Variants in AGMO observed in about 807,000 individuals in gnomAD.
The protein encoded by AGMO is glyceryl-ether monooxygenase.
AGMO carries 75 observed loss-of-function variants against 60.2 expected under a neutral mutation model. The observed-to-expected ratio is 1.25, with a 90% CI of 1.03 to 1.51. The LOEUF (loss-of-function observed/expected upper bound fraction) is 1.51. AGMO is among the 40% of genes most tolerant of loss of function. The pLI is 0.00. For synonymous variants in AGMO, 261 were observed against 177.1 expected (o/e 1.47, Z -3.76); for missense variants, 763 against 525.5 (o/e 1.45, Z -4.42).
At chr7:15,266,304 G>A (rs1783429991) in intron 12 of AGMO, among the ~76,000 whole-genome samples, 1 of 151,804 alleles carries the variant, frequency 6.6e-6, no homozygotes, top group South Asian at 2.1e-4. Flanking sequence ...CGGTGAAGAT[G>A]GATGTTCATT....
intron 2 of AGMO, among the ~76,000 whole-genome samples, chr7:15,547,605 G>C (rs56715148): frequency 6.6e-6 from 1 of 151,880 alleles, no homozygotes; most frequent in Non-Finnish European, 1.5e-5. Context: ...TGCGCTTTTC[G>C]GACCGGCTTA....
chr7:15,118,990 T>TG, the AGMO span, among the ~76,000 whole-genome samples: 1 of 43,056 alleles, frequency 2.3e-5, no homozygotes, highest in African/African-American at 8.0e-5. Context: ...GCTATTGGGG[T>TG]TTTTTTTTCC....
chr7:15,355,280 A>C (rs570945658), intron 12 of AGMO, among the ~76,000 whole-genome samples: 48 of 152,158 alleles, frequency 3.2e-4, no homozygotes, highest in Non-Finnish European at 5.3e-4. Flanking sequence ...AGACGGGCGG[A>C]TCACAAGGTC....
chr7:15,323,021 T>A (rs57229018), intron 12 of AGMO, among the ~76,000 whole-genome samples: 1 of 149,052 alleles, frequency 6.7e-6, no homozygotes. Context: ...AAGGAAATTT[T>A]GTAGGTCGTT....
At chr7:15,160,234 T>A in the AGMO span, among the ~76,000 whole-genome samples, 1 of 152,174 alleles carries the variant, frequency 6.6e-6, no homozygotes, top group African/African-American at 2.4e-5. Flanking sequence ...CCGTCACTAC[T>A]ATTTCCTTCT....
chr7:15,353,433 A>G (rs578162416), intron 12 of AGMO, among the ~76,000 whole-genome samples: 1 of 152,298 alleles, frequency 6.6e-6, no homozygotes, highest in African/African-American at 2.4e-5. Flanking sequence ...ATGATGTTAA[A>G]CTAAATTCAA....
Position 15,385,454 on chromosome 7 carries a change from C to T in AGMO, c.1066G>A (p.Asp356Asn). The change falls in exon 10 of 13, where the codon GAT (aspartate) becomes AAT (asparagine). Residue 356 changes from aspartate (D) to asparagine (N), a missense_variant. By Grantham distance (23) the Asp-to-Asn change is conservative. Coordinates refer to ENST00000342526, the MANE Select transcript of AGMO (RefSeq NM_001004320.2). ...MLAFYEETFA[D>N]TAALSQVTLL... ...AAATGGATATTACTTACAGCTGTAT[C>T]TGCAAAGGTCTCTTCATAAAATGCC... 6.3e-7 allele frequency: 1 copy of T among 1,575,962 alleles called. No individual in the cohort carries two copies. Among genetic ancestry groups the T allele is most frequent in the Non-Finnish European group, 8.7e-7 (1 of 1,146,326 alleles).
intron 10 of AGMO, among the ~76,000 whole-genome samples, chr7:15,384,929 C>T (rs1783854789): frequency 6.6e-6 from 1 of 151,232 alleles, no homozygotes; most frequent in Non-Finnish European, 1.5e-5. Flanking sequence ...AAATGATCCC[C>T]AAAGTGGCGA....
intron 3 of AGMO, among the ~76,000 whole-genome samples, chr7:15,499,904 T>TACAC (rs1347113008): frequency 2.8e-5 from 2 of 71,498 alleles, no homozygotes; most frequent in African/African-American, 8.8e-5. Flanking sequence ...TTATATGTAT[T>TACAC]ACGCACACAC....
chr7:15,282,515 C>A (rs552006377), intron 12 of AGMO, among the ~76,000 whole-genome samples: 1 of 151,902 alleles, frequency 6.6e-6, no homozygotes, highest in South Asian at 2.1e-4. Flanking sequence ...TCAACTCAAT[C>A]AGAAAAATAA....
intron 5 of AGMO, among the ~76,000 whole-genome samples, chr7:15,395,296 A>C (rs189708440): frequency 6.6e-6 from 1 of 152,334 alleles, no homozygotes; most frequent in African/African-American, 2.4e-5. Context: ...ATTGATATGA[A>C]TTTGATAAGT....
the AGMO span, among the ~76,000 whole-genome samples, chr7:15,121,767 A>G: frequency 6.6e-6 from 1 of 152,146 alleles, no homozygotes; most frequent in South Asian, 2.1e-4. Context: ...CCACACATCT[A>G]CAATGATCTG....
chr7:15,145,120 G>A, the AGMO span, among the ~76,000 whole-genome samples: 2 of 152,276 alleles, frequency 1.3e-5, no homozygotes, highest in Admixed American at 6.5e-5. Flanking sequence ...GAGCCGCTGC[G>A]CCCGGCCGGC....
intron 3 of AGMO, among the ~76,000 whole-genome samples, chr7:15,508,983 C>A (rs890112081): frequency 6.6e-6 from 1 of 152,090 alleles, no homozygotes; most frequent in African/African-American, 2.4e-5. Context: ...AATTGACAAA[C>A]CAACTTTGCT....
At chr7:15,359,599 T>C (rs1782676499) in intron 12 of AGMO, among the ~76,000 whole-genome samples, 1 of 152,156 alleles carries the variant, frequency 6.6e-6, no homozygotes, top group Non-Finnish European at 1.5e-5. Flanking sequence ...TAATCTTTCA[T>C]ACAACTCAGT....
chr7:15,447,236 A>T (rs1781724137), intron 3 of AGMO, among the ~76,000 whole-genome samples: 1 of 152,176 alleles, frequency 6.6e-6, no homozygotes, highest in Non-Finnish European at 1.5e-5. Flanking sequence ...TGACATCTTG[A>T]CCCTTTTTTC....
At chr7:15,532,355 C>T (rs1784390709) in intron 3 of AGMO, among the ~76,000 whole-genome samples, 1 of 152,102 alleles carries the variant, frequency 6.6e-6, no homozygotes, top group South Asian at 2.1e-4. Context: ...CGGCCTTGGG[C>T]CAATGTATTA....
At chr7:15,381,526 A>G (rs1409772522) in intron 10 of AGMO, among the ~76,000 whole-genome samples, 1 of 152,144 alleles carries the variant, frequency 6.6e-6, no homozygotes, top group African/African-American at 2.4e-5. Flanking sequence ...TCAAAAAATA[A>G]CATGCTGGTG....
At chr7:15,280,101 C>G (rs1015209429) in intron 12 of AGMO, among the ~76,000 whole-genome samples, 2 of 152,132 alleles carry the variant, frequency 1.3e-5, no homozygotes, top group Non-Finnish European at 2.9e-5. Context: ...ACTGTAGCCA[C>G]GAGCACAGAA....
Sources: gnomAD v4.1 joint callset for allele counts (sites outside exome capture counted in the v4.1 genomes callset) on GRCh38, gnomAD v4.1.1 for gene constraint, MANE v1.5 for transcripts, NCBI Gene and HGNC (gene_info 2026-07-23, HGNC 2026-07-21) for gene names.